The following CLCN3 variants were observed in gnomAD, a reference collection of about 807,000 sequenced individuals.
The protein encoded by CLCN3 is H(+)/Cl(-) exchange transporter 3.
Under a neutral mutation model 83.4 loss-of-function variants are expected in CLCN3, and 16 were observed. The observed-to-expected ratio is 0.19, with a 90% CI of 0.13 to 0.29. CLCN3 has a LOEUF of 0.29. Among genes scored for constraint, CLCN3 ranks in the 10% least tolerant of loss-of-function variants. The pLI, the probability that CLCN3 is intolerant of heterozygous loss-of-function variation, is 1.00. For synonymous variants in CLCN3, 322 were observed against 346.2 expected, an observed-to-expected ratio of 0.93 and a Z score of 0.78; for missense variants, 544 against 1,006.0, an observed-to-expected ratio of 0.54 and a Z score of 6.21.
intron 11 of CLCN3, among the ~76,000 whole-genome samples, chr4:169,712,367 GA>G (rs1733255152): frequency 6.6e-6 from 1 of 151,510 alleles, no homozygotes; most frequent in African/African-American, 2.4e-5. Flanking sequence ...GTTTCATTCA[GA>G]TTTTTTTTTT....
At chr4:169,622,899 G>A (rs879152505) in intron 1 of CLCN3, among the ~76,000 whole-genome samples, 2 of 152,332 alleles carry the variant, frequency 1.3e-5, no homozygotes, top group Admixed American at 1.3e-4. Flanking sequence ...CTGGGAAACA[G>A]TGTTTTTAAA....
chr4:169,620,834 A>C lies in CLCN3; in HGVS notation c.-246A>C. On this transcript the variant is annotated 5_prime_UTR_variant, in exon 1 of 13. An upstream start codon of the reference 5' UTR is lost. Transcript: ENST00000513761. The stretch of plus-strand genomic sequence containing the variant: ...CTCCAGAGCGAGAGGATTTAACTTC[A>C]TGTTGCTCCCGTGTTTGAAGGAGGA... The C allele has an allele frequency of 2.5e-6, 1 of 398,554 alleles. No homozygotes were observed. The highest frequency in any genetic ancestry group is 4.4e-6 in the Non-Finnish European group (1 of 226,050). 24.7% of individuals were successfully genotyped at this position (398,554 alleles called of 1,614,324 possible). A position where few individuals can be genotyped will look rare whatever the true frequency, so the allele number is the denominator to read the frequency against.
chr4:169,670,328 G>A (rs150528806), intron 2 of CLCN3, among the ~76,000 whole-genome samples: 6,179 of 152,192 alleles, frequency 0.041, 433 homozygotes, highest in African/African-American at 0.14. Context: ...TTCTGCATAT[G>A]GATAGCCAGT....
rs552891229 is a variant in CLCN3 at position 169,639,952 on chromosome 4, CT to C, written c.160+3868del. 3.1e-3 allele frequency among the ~76,000 whole-genome samples: 466 copies of C among 152,290 alleles called. 1 individual carries two copies. Among genetic ancestry groups the C allele is most frequent in the Non-Finnish European group, 5.2e-3 (351 of 68,022 alleles). ...GTTCTGTCACTTATTCTCTCTCTAA[CT>C]TTTGGCAAGTCACATAGCCTGTTTA... On this transcript the variant is annotated intron_variant, in intron 2 of 12. Transcript: ENST00000513761.
chr4:169,704,248 G>T, intron 10 of CLCN3, 64 bp downstream of exon 10: 5 of 1,469,636 alleles, frequency 3.4e-6, no homozygotes, highest in Non-Finnish European at 4.7e-6. Flanking sequence ...AGAGAAAGTG[G>T]GACACATTCT....
At chr4:169,707,509 C>T (rs1416937736) in intron 11 of CLCN3, among the ~76,000 whole-genome samples, 2 of 152,108 alleles carry the variant, frequency 1.3e-5, no homozygotes, top group Non-Finnish European at 2.9e-5. Context: ...AAATTGGAGT[C>T]AGATTATTTT....
intron 2 of CLCN3, chr4:169,663,011 T>G (rs1012750289): frequency 1.3e-5 from 2 of 152,108 alleles, no homozygotes; most frequent in Admixed American, 1.3e-4. Context: ...ATTTCTTTCT[T>G]CTACCAACCC....
intron 1 of CLCN3, among the ~76,000 whole-genome samples, chr4:169,633,698 G>T (rs1402089752): frequency 6.6e-6 from 1 of 152,174 alleles, no homozygotes; most frequent in African/African-American, 2.4e-5. Context: ...AAAGAAAGTG[G>T]TGAGATTCAT....
chr4:169,628,721 C>G (rs1403876051), intron 1 of CLCN3, among the ~76,000 whole-genome samples: 3 of 152,220 alleles, frequency 2.0e-5, no homozygotes, highest in Non-Finnish European at 4.4e-5. Flanking sequence ...GGTACAGCCA[C>G]TCTGGAAAAC....
chr4:169,707,680 C>G (rs1417500699), intron 11 of CLCN3, among the ~76,000 whole-genome samples: 1 of 152,128 alleles, frequency 6.6e-6, no homozygotes, highest in East Asian at 1.9e-4. Flanking sequence ...CAGTCTCTTT[C>G]ATATTAGAAT....
intron 7 of CLCN3, 75 bp downstream of exon 7, chr4:169,692,395 G>A (rs908777070): frequency 1.4e-5 from 9 of 648,868 alleles, no homozygotes; most frequent in African/African-American, 1.3e-4. Context: ...GAATTTCTTA[G>A]TGTAAAAATA....
intron 2 of CLCN3, among the ~76,000 whole-genome samples, chr4:169,659,560 T>C (rs1730981321): frequency 1.3e-5 from 2 of 152,122 alleles, no homozygotes; most frequent in South Asian, 4.1e-4. Flanking sequence ...ACGTTGATAG[T>C]TTTCTTTCTC....
intron 1 of CLCN3, among the ~76,000 whole-genome samples, chr4:169,621,741 T>C (rs1037482619): frequency 5.3e-5 from 8 of 152,226 alleles, no homozygotes; most frequent in Admixed American, 1.3e-4. Context: ...TTGTGGCTTG[T>C]ATAATTGTTG....
chr4:169,691,033 C>T (rs1441750252), intron 6 of CLCN3, among the ~76,000 whole-genome samples: 4 of 151,948 alleles, frequency 2.6e-5, no homozygotes, highest in Non-Finnish European at 5.9e-5. Context: ...GAGTCTTGTG[C>T]TGTCGCCCAG....
At chr4:169,652,444 A>T (rs956008118) in intron 2 of CLCN3, among the ~76,000 whole-genome samples, 10 of 152,228 alleles carry the variant, frequency 6.6e-5, no homozygotes, top group African/African-American at 2.4e-4. Flanking sequence ...AGAATCAGGC[A>T]TGTTGTTGCA....
At chr4:169,664,724 T>G (rs1032191107) in intron 2 of CLCN3, among the ~76,000 whole-genome samples, 4 of 152,244 alleles carry the variant, frequency 2.6e-5, no homozygotes, top group African/African-American at 9.6e-5. Flanking sequence ...TGGTTCATAT[T>G]ACTACCTCTA....
chr4:169,652,311 C>T (rs1730753462), intron 2 of CLCN3, among the ~76,000 whole-genome samples: 1 of 151,994 alleles, frequency 6.6e-6, no homozygotes, highest in Non-Finnish European at 1.5e-5. Flanking sequence ...TTCATTCAAG[C>T]CAGAAATGGT....
chr4:169,714,815 A>G (rs889876254), intron 12 of CLCN3, among the ~76,000 whole-genome samples: 1 of 152,176 alleles, frequency 6.6e-6, no homozygotes, highest in Non-Finnish European at 1.5e-5. Flanking sequence ...GAATTATTAA[A>G]TTCTAATAAT....
intron 3 of CLCN3, among the ~76,000 whole-genome samples, chr4:169,681,843 T>C (rs926980752): frequency 2.6e-5 from 4 of 152,242 alleles, no homozygotes; most frequent in African/African-American, 9.6e-5. Flanking sequence ...AATCTCATTA[T>C]TGTCTGGCTT....
Sources: allele counts gnomAD v4.1 joint callset (sites outside exome capture counted in the v4.1 genomes callset), GRCh38; gene constraint gnomAD v4.1.1; transcripts MANE v1.5; gene names NCBI Gene and HGNC (gene_info 2026-07-23, HGNC 2026-07-21).